Variants in XIRP2 observed in about 807,000 individuals in gnomAD.
The protein encoded by XIRP2 is xin actin binding repeat containing 2.
Under a neutral mutation model 277.0 loss-of-function variants are expected in XIRP2, and 236 were observed. That is an observed-to-expected ratio of 0.85 (90% CI 0.77 to 0.95). XIRP2 has a LOEUF of 0.95. XIRP2 is among the 40% of genes least tolerant of loss of function. XIRP2 has a pLI of 0.00. For synonymous variants in XIRP2, 1,490 were observed against 1,416.5 expected, an observed-to-expected ratio of 1.05 and a Z score of -1.17; for missense variants, 4,640 against 4,157.5, an observed-to-expected ratio of 1.12 and a Z score of -3.19.
At chr2:166,938,344 C>T (rs560179351) in intron 2 of XIRP2, among the ~76,000 whole-genome samples, 43 of 152,224 alleles carry the variant, frequency 2.8e-4, no homozygotes, top group East Asian at 1.4e-3. Context: ...GCCTTCATTT[C>T]GTTATGTACC....
chr2:166,942,034 T>A (rs988869415), intron 2 of XIRP2, among the ~76,000 whole-genome samples: 7 of 152,222 alleles, frequency 4.6e-5, no homozygotes, highest in African/African-American at 1.7e-4. Context: ...TTTTCCAGAA[T>A]AATATATTCA....
chr2:166,911,633 T>C (rs962836881), intron 2 of XIRP2, among the ~76,000 whole-genome samples: 1 of 152,218 alleles, frequency 6.6e-6, no homozygotes, highest in African/African-American at 2.4e-5. Context: ...TTGTTATGTG[T>C]GAATTTGATC....
intron 3 of XIRP2, among the ~76,000 whole-genome samples, chr2:167,199,018 A>G (rs1693602669): frequency 6.6e-6 from 1 of 152,240 alleles, no homozygotes; most frequent in Non-Finnish European, 1.5e-5. Context: ...AATTAAATAC[A>G]TTTTATTATT....
chr2:167,086,010 G>A (rs1311070078), intron 2 of XIRP2, among the ~76,000 whole-genome samples: 13 of 151,596 alleles, frequency 8.6e-5, no homozygotes, highest in South Asian at 2.1e-4. Flanking sequence ...TATTTTGCTC[G>A]TTAGTTGATG....
intron 2 of XIRP2, among the ~76,000 whole-genome samples, chr2:167,053,697 T>C (rs1017249062): frequency 6.6e-6 from 1 of 152,226 alleles, no homozygotes; most frequent in Admixed American, 6.5e-5. Context: ...TAATAATTTG[T>C]CATGTTTTAG....
chr2:166,973,882 A>G (rs1686643257), intron 2 of XIRP2, among the ~76,000 whole-genome samples: 2 of 152,190 alleles, frequency 1.3e-5, no homozygotes. Context: ...TTTTGGATAT[A>G]TTTATTGCTA....
At chr2:167,036,425 GA>G (rs1247784179) in intron 2 of XIRP2, among the ~76,000 whole-genome samples, 1 of 152,156 alleles carries the variant, frequency 6.6e-6, no homozygotes, top group Non-Finnish European at 1.5e-5. Flanking sequence ...TTTAAAATTT[GA>G]CTGCCTCACT....
chr2:166,935,230 G>T (rs1055054533), intron 2 of XIRP2, among the ~76,000 whole-genome samples: 1 of 152,116 alleles, frequency 6.6e-6, no homozygotes, highest in Non-Finnish European at 1.5e-5. Flanking sequence ...ACAGGGAACA[G>T]GTCTGTGATG....
At position 167,251,636 on chromosome 2, in the gene XIRP2, T is replaced by C. The variant is rs1330071445; in HGVS notation, c.10244T>C (p.Leu3415Pro). The C allele has an allele frequency of 1.7e-5, 27 of 1,613,402 alleles. No individual in the cohort carries two copies. Among genetic ancestry groups the C allele is most frequent in the Non-Finnish European group, 2.2e-5 (26 of 1,179,660 alleles). Residue 3415 changes from leucine (L) to proline (P), a missense_variant, in exon 9 of 11, where the codon CTA (leucine) becomes CCA (proline). Coordinates refer to ENST00000409195, the MANE Select transcript of XIRP2 (RefSeq NM_152381.6). ...QPRICSETRS[L>P]SEHFSGMDAF... Reference sequence around the variant, plus strand: ...AGGATCTGCTCTGAAACCAGGTCTCTAAGTGAACATTTCTCAGGCATGGAT... The same window carrying C: ...AGGATCTGCTCTGAAACCAGGTCTCCAAGTGAACATTTCTCAGGCATGGAT...
At chr2:167,208,569 G>A (rs1013123056) in intron 3 of XIRP2, among the ~76,000 whole-genome samples, 8 of 151,922 alleles carry the variant, frequency 5.3e-5, no homozygotes, top group Non-Finnish European at 1.0e-4. Context: ...CGGCCTCCCA[G>A]AGTGCTGGGA....
intron 2 of XIRP2, among the ~76,000 whole-genome samples, chr2:167,017,194 A>G (rs970621390): frequency 1.3e-5 from 2 of 152,000 alleles, no homozygotes; most frequent in Non-Finnish European, 2.9e-5. Context: ...TACAGCTCCC[A>G]TTCCTGAAGT....
At chr2:166,939,998 T>G (rs1477231238) in intron 2 of XIRP2, among the ~76,000 whole-genome samples, 1 of 152,218 alleles carries the variant, frequency 6.6e-6, no homozygotes, top group Non-Finnish European at 1.5e-5. Context: ...TGGTCTGCCT[T>G]TCTAGATTGG....
chr2:167,237,118 A>G (rs938626725), intron 5 of XIRP2, among the ~76,000 whole-genome samples: 9 of 152,172 alleles, frequency 5.9e-5, no homozygotes, highest in Admixed American at 2.6e-4. Flanking sequence ...ATGCTGAAGT[A>G]GAAACTTACG....
intron 3 of XIRP2, among the ~76,000 whole-genome samples, chr2:167,176,297 G>A (rs905897109): frequency 3.3e-5 from 5 of 150,260 alleles, no homozygotes; most frequent in African/African-American, 4.9e-5. Flanking sequence ...GTGAGGCAAT[G>A]CCCCACCCTT....
At chr2:167,127,662 G>T (rs1157639154) in intron 2 of XIRP2, among the ~76,000 whole-genome samples, 1 of 152,168 alleles carries the variant, frequency 6.6e-6, no homozygotes, top group Non-Finnish European at 1.5e-5. Context: ...TTGAATTTCA[G>T]ATATCTCGCC....
intron 3 of XIRP2, among the ~76,000 whole-genome samples, chr2:167,154,244 T>G (rs1692113382): frequency 6.7e-6 from 1 of 149,462 alleles, no homozygotes. Flanking sequence ...TGGCCACTTT[T>G]TGATGGGGTT....
At chr2:166,924,745 G>A (rs1685141149) in intron 2 of XIRP2, among the ~76,000 whole-genome samples, 1 of 151,984 alleles carries the variant, frequency 6.6e-6, no homozygotes, top group African/African-American at 2.4e-5. Context: ...TCTATGACAT[G>A]TTGAGTCTCA....
chr2:166,893,699 G>A (rs1376518468), intron 1 of XIRP2, among the ~76,000 whole-genome samples: 2 of 152,052 alleles, frequency 1.3e-5, no homozygotes, highest in Non-Finnish European at 2.9e-5. Flanking sequence ...TTTAGAAATA[G>A]AGATCAAAAG....
chr2:167,095,278 C>T (rs187792013), intron 2 of XIRP2, among the ~76,000 whole-genome samples: 2 of 152,236 alleles, frequency 1.3e-5, no homozygotes, highest in Non-Finnish European at 2.9e-5. Context: ...ATTTGATTTC[C>T]TCTCCTCCTA....
Sources: allele counts gnomAD v4.1 joint callset (sites outside exome capture counted in the v4.1 genomes callset), GRCh38; gene constraint gnomAD v4.1.1; transcripts MANE v1.5; gene names NCBI Gene and HGNC (gene_info 2026-07-23, HGNC 2026-07-21).